Variants in CIITA observed in about 807,000 individuals in gnomAD.
CIITA encodes the protein MHC class II transactivator.
Under a neutral mutation model 115.1 loss-of-function variants are expected in CIITA, and 72 were observed. The observed-to-expected ratio is 0.63, with a 90% confidence interval of 0.52 to 0.76. CIITA has a LOEUF of 0.76. Ranked by LOEUF, CIITA falls within the 30% of genes least tolerant of loss-of-function variation. CIITA has a pLI of 0.00. For missense variants in CIITA, 1,617 were observed against 1,463.8 expected (o/e 1.10, Z -1.71); for synonymous variants, 763 against 635.6 (o/e 1.20, Z -3.02).
Position 10,907,226 on chromosome 16 carries a change from G to C in CIITA, c.1734G>C (p.Val578=). 1 of 1,613,526 alleles carries C rather than the reference G, an allele frequency of 6.2e-7. No individual in the cohort carries two copies. Among genetic ancestry groups the C allele is most frequent in the Non-Finnish European group, 8.5e-7 (1 of 1,179,998 alleles). ...CCATGGAGCAGGCCCAGGCATACGT[G>C]ATGCGCTACTTTGAGAGCTCAGGGA... The part of the protein sequence containing the change: ...GFSMEQAQAY[V]MRYFESSGMT... Residue 578 remains valine, a synonymous_variant, in exon 11 of 20, where the codon GTG becomes GTC. Transcript: ENST00000324288. The surrounding 1 kb of genome is among the most constrained non-coding windows in gnomAD (Gnocchi z 5.0).
At chr16:10,889,679 C>G (rs1467323166) in intron 1 of CIITA, among the ~76,000 whole-genome samples, 1 of 152,078 alleles carries the variant, frequency 6.6e-6, no homozygotes, top group Non-Finnish European at 1.5e-5. Flanking sequence ...GCCACCATGC[C>G]TGGCTAATTT....
chr16:10,867,416 G>A (rs913136550), intron 1 of CIITA, among the ~76,000 whole-genome samples: 4 of 151,834 alleles, frequency 2.6e-5, no homozygotes, highest in Admixed American at 2.6e-4. Context: ...AAGACAGAGG[G>A]AGAGCGAGAA....
chr16:10,910,343 A>C (rs2039476096), intron 13 of CIITA, 84 bp downstream of exon 13: 1 of 1,138,164 alleles, frequency 8.8e-7, no homozygotes, highest in South Asian at 1.3e-5. Flanking sequence ...CTGAATGGAG[A>C]TAGATCTCCA....
chr16:10,902,989 G>A (rs917158987), intron 8 of CIITA, among the ~76,000 whole-genome samples, 188 bp downstream of exon 8: 4 of 152,216 alleles, frequency 2.6e-5, no homozygotes, highest in African/African-American at 4.8e-5. Flanking sequence ...GATTCCTGAG[G>A]TGGTCTGGGT....
Position 10,920,130 on chromosome 16 carries a change from C to T in CIITA, c.3149+1604C>T, listed in dbSNP as rs953265313. Among the ~76,000 whole-genome samples the T allele has an allele frequency of 2.6e-5, 4 of 152,200 alleles. No homozygotes were observed. The highest frequency in any genetic ancestry group is 5.9e-5 in the Non-Finnish European group (4 of 68,044). On this transcript the variant is annotated intron_variant, in intron 16 of 19. Transcript: ENST00000324288. The surrounding 1 kb of genome is among the most constrained non-coding windows in gnomAD (Gnocchi z 4.5). ...TGGAAGTAGGGGAGGTCAGGGGAAT[C>T]CAGATCACACAGGGAGGCCCTTGTG...
intron 9 of CIITA, among the ~76,000 whole-genome samples, chr16:10,904,196 A>C (rs897411416): frequency 3.3e-5 from 5 of 152,054 alleles, no homozygotes; most frequent in African/African-American, 1.2e-4. Flanking sequence ...TTTTACATAG[A>C]TATTGTGATT....
chr16:10,925,457 T>A lies in CIITA; in HGVS notation c.*1602T>A, dbSNP rs960984103. ...GAATAGCTGGGACTACAGGTGTGAG[T>A]CACCAAGCCCAGTTAATCTTTAGTT... On this transcript the variant is annotated 3_prime_UTR_variant, in exon 20 of 20. Transcript: ENST00000324288. 6.6e-6 allele frequency: 1 copy of A among 152,148 alleles called. No individual in the cohort carries two copies. The highest frequency in any genetic ancestry group is 2.4e-5 in the African/African-American group (1 of 41,384). 9.4% of individuals were successfully genotyped at this position (152,148 alleles called of 1,614,324 possible).
At chr16:10,900,216 G>A (rs1405619524) in intron 5 of CIITA, among the ~76,000 whole-genome samples, 4 of 152,088 alleles carry the variant, frequency 2.6e-5, no homozygotes, top group Non-Finnish European at 4.4e-5. Flanking sequence ...GAAATAAAGC[G>A]AGCTCCTGTA....
At chr16:10,906,361 A>C (rs564112536) in intron 10 of CIITA, 138 bp from the exon 11 acceptor site, 1 of 1,119,244 alleles carries the variant, frequency 8.9e-7, no homozygotes, top group Non-Finnish European at 1.3e-6. Flanking sequence ...CCCTGTCTCA[A>C]AACAAAACAA....
intron 1 of CIITA, among the ~76,000 whole-genome samples, chr16:10,872,132 T>TG (rs1179417046): frequency 3.3e-5 from 5 of 152,254 alleles, no homozygotes; most frequent in African/African-American, 7.2e-5. Context: ...TAATTTTTTT[T>TG]GGGTGGGGGG....
chr16:10,912,053 T>C (rs1450672498), intron 13 of CIITA, among the ~76,000 whole-genome samples: 3 of 152,214 alleles, frequency 2.0e-5, no homozygotes, highest in Non-Finnish European at 4.4e-5. Context: ...GAATGTTTGT[T>C]CCTTGGTAGG....
chr16:10,891,498 T>A (rs981181676), intron 1 of CIITA, among the ~76,000 whole-genome samples: 1 of 152,176 alleles, frequency 6.6e-6, no homozygotes, highest in African/African-American at 2.4e-5. Flanking sequence ...AGATATGGAA[T>A]CATTTTATAG....
Position 10,936,247 on chromosome 16 carries a change from A to G in CIITA, c.*12392A>G, listed in dbSNP as rs1049550161. On this transcript the variant is annotated 3_prime_UTR_variant, in exon 20 of 20. Transcript: ENST00000324288. ...AAGTGATCCTTCCACCTCAGCCTCT[A>G]TAAAATTTGAATAAAGTTGTAGATG... The G allele has an allele frequency of 6.6e-6, 1 of 152,110 alleles. No individual in the cohort carries two copies. Among genetic ancestry groups the G allele is most frequent in the Non-Finnish European group, 1.5e-5 (1 of 68,026 alleles). 9.4% of individuals were successfully genotyped at this position (152,110 alleles called of 1,614,324 possible).
chr16:10,904,845 G>A (rs1176877373), intron 10 of CIITA, 33 bp downstream of exon 10: 4 of 1,611,568 alleles, frequency 2.5e-6, no homozygotes, highest in Middle Eastern at 1.6e-4. Flanking sequence ...GCCCTGGGTG[G>A]TGGAGATGGA....
Position 10,927,399 on chromosome 16 carries a change from G to A in CIITA, c.*3544G>A, listed in dbSNP as rs1319992118. On this transcript the variant is annotated 3_prime_UTR_variant, in exon 20 of 20. Transcript: ENST00000324288. ...CTGTGCCCTCTGTACCCAGCAAGGC[G>A]CCTGTGTATAATAGGTGCTCAATAA... is the stretch of plus-strand genomic sequence containing the variant. The A allele has an allele frequency of 1.3e-5, 2 of 152,232 alleles. No individual in the cohort carries two copies. The highest frequency in any genetic ancestry group is 2.9e-5 in the Non-Finnish European group (2 of 68,048). 9.4% of individuals were successfully genotyped at this position (152,232 alleles called of 1,614,324 possible).
intron 1 of CIITA, among the ~76,000 whole-genome samples, chr16:10,885,474 T>C (rs562957386): frequency 6.6e-6 from 1 of 152,312 alleles, no homozygotes; most frequent in African/African-American, 2.4e-5. Flanking sequence ...ATGCCTTAGT[T>C]TCCTCTCCGT....
In CIITA at chr16:10,902,177, G is replaced by C. The variant is rs141343169; in HGVS notation, c.621G>C (p.Gln207His). ...AGATGCGCCTGGAGAAAACCGACCA[G>C]ATTCCCAGTATGTTAGGGGGCTTGG... ...SGQMRLEKTD[Q>H]IPMPFSSSSL... is the part of the protein sequence containing the mutation. The change falls in exon 7 of 20, where the codon CAG (glutamine) becomes CAC (histidine). Residue 207 changes from glutamine to histidine, a missense_variant. By Grantham distance (24) the Gln-to-His change is conservative. Coordinates refer to ENST00000324288, the MANE Select transcript of CIITA (RefSeq NM_000246.4). 2.5e-5 allele frequency: 41 copies of C among 1,614,036 alleles called. No individual in the cohort carries two copies. Among genetic ancestry groups the C allele is most frequent in the Non-Finnish European group, 3.4e-5 (40 of 1,180,028 alleles).
chr16:10,899,206 C>T (rs1191127062), intron 5 of CIITA, among the ~76,000 whole-genome samples: 1 of 152,200 alleles, frequency 6.6e-6, no homozygotes, highest in Non-Finnish European at 1.5e-5. Flanking sequence ...AAAATACATG[C>T]CACAAGGCCT....
intron 8 of CIITA, 72 bp downstream of exon 8, chr16:10,902,873 T>A: frequency 6.4e-7 from 1 of 1,570,492 alleles, no homozygotes; most frequent in East Asian, 2.2e-5. Flanking sequence ...ATCCTCCCCA[T>A]ACTCCATGCA....
Sources: gnomAD v4.1 joint callset for allele counts (sites outside exome capture counted in the v4.1 genomes callset) on GRCh38, gnomAD v4.1.1 for gene constraint, Gnocchi (gnomAD v3.1) non-coding constraint, MANE v1.5 for transcripts, NCBI Gene and HGNC (gene_info 2026-07-23, HGNC 2026-07-21) for gene names.